MKLN1: variants seen among roughly 807,000 people sequenced by gnomAD.
MKLN1 encodes the protein muskelin.
A neutral mutation model predicts 99.0 loss-of-function variants in MKLN1; 18 were observed. The ratio of observed to expected loss-of-function variants is 0.18; its 90% CI spans 0.13 to 0.27. The LOEUF (loss-of-function observed/expected upper bound fraction) is 0.27. Among genes scored for constraint, MKLN1 ranks in the 10% least tolerant of loss-of-function variants. The pLI is 1.00. For synonymous variants in MKLN1, 288 were observed against 293.2 expected (o/e 0.98, Z 0.18); for missense variants, 621 against 875.9 (o/e 0.71, Z 3.67).
intron 3 of MKLN1, among the ~76,000 whole-genome samples, chr7:131,291,634 G>A (rs1798219498): frequency 6.7e-6 from 1 of 148,346 alleles, no homozygotes; most frequent in Admixed American, 6.7e-5. Flanking sequence ...CATATATAAT[G>A]CAGAATGCAG....
intron 8 of MKLN1, 115 bp from the exon 9 acceptor site, chr7:131,428,918 T>A (rs1795437864): frequency 1.5e-6 from 1 of 675,206 alleles, no homozygotes; most frequent in African/African-American, 1.8e-5. Flanking sequence ...AATTTTTATT[T>A]TAAAATTTAT....
intron 1 of MKLN1, among the ~76,000 whole-genome samples, chr7:131,340,041 C>T (rs1010191032): frequency 6.6e-6 from 1 of 151,880 alleles, no homozygotes; most frequent in African/African-American, 2.4e-5. Flanking sequence ...TTTCTTTTCC[C>T]TTCCTGTCAC....
chr7:131,176,287 TTAAG>T (rs1255153863), intron 2 of MKLN1, among the ~76,000 whole-genome samples: 1 of 152,214 alleles, frequency 6.6e-6, no homozygotes, highest in East Asian at 1.9e-4. Flanking sequence ...TTATGTATTT[TTAAG>T]TTTTTCATGT....
Position 131,332,343 on chromosome 7 carries a change from TA to T in MKLN1, c.98+4351del, listed in dbSNP as rs927293483. Among the ~76,000 whole-genome samples, 28 of 148,282 alleles carry T rather than the reference TA, an allele frequency of 1.9e-4. No individual in the cohort carries two copies. The South Asian group carries it at 4.8e-3, about 25-fold the overall frequency. ...TGTGCATAGTTATATATTATTATGT[TA>T]AAAATATGTAAATATATATATATTC... is the stretch of plus-strand genomic sequence containing the variant. On this transcript the variant is annotated intron_variant, in intron 1 of 17. Coordinates refer to ENST00000352689, the MANE Select transcript of MKLN1 (RefSeq NM_013255.5).
chr7:131,309,264 C>G (rs1225880771), intron 3 of MKLN1, among the ~76,000 whole-genome samples: 4 of 152,158 alleles, frequency 2.6e-5, no homozygotes, highest in African/African-American at 9.7e-5. Flanking sequence ...TTTATCTTAC[C>G]ATTGTTGACC....
intron 3 of MKLN1, among the ~76,000 whole-genome samples, chr7:131,239,189 C>T (rs1797365606): frequency 6.6e-6 from 1 of 152,060 alleles, no homozygotes; most frequent in African/African-American, 2.4e-5. Context: ...TATTTATATT[C>T]ATAATTGACT....
chr7:131,370,101 G>A (rs1800301512), intron 1 of MKLN1, among the ~76,000 whole-genome samples: 1 of 152,248 alleles, frequency 6.6e-6, no homozygotes. Flanking sequence ...GCCTTCCAAA[G>A]TGTTGGGATT....
chr7:131,227,537 C>CTTTCTT (rs1387124487), intron 3 of MKLN1, among the ~76,000 whole-genome samples: 4 of 132,168 alleles, frequency 3.0e-5, no homozygotes, highest in Non-Finnish European at 4.9e-5. Context: ...TTCTTTCTTT[C>CTTTCTT]TCTCTTTCTT....
chr7:131,169,055 C>A (rs182372124), intron 2 of MKLN1, among the ~76,000 whole-genome samples: 1 of 152,020 alleles, frequency 6.6e-6, no homozygotes, highest in Non-Finnish European at 1.5e-5. Flanking sequence ...TTTAGTAAGA[C>A]GGGTTTCACC....
intron 8 of MKLN1, among the ~76,000 whole-genome samples, chr7:131,416,182 C>T (rs964358139): frequency 6.6e-6 from 1 of 152,108 alleles, no homozygotes; most frequent in Non-Finnish European, 1.5e-5. Flanking sequence ...CCTTTTAAAG[C>T]AAAATGCACT....
At chr7:131,152,053 T>C (rs1297008682) in intron 2 of MKLN1, among the ~76,000 whole-genome samples, 2 of 152,202 alleles carry the variant, frequency 1.3e-5, no homozygotes, top group Non-Finnish European at 2.9e-5. Flanking sequence ...CTGGGTGTGG[T>C]GGCTCATTCC....
chr7:131,259,254 G>T (rs1797700001), intron 3 of MKLN1, among the ~76,000 whole-genome samples: 1 of 152,116 alleles, frequency 6.6e-6, no homozygotes, highest in South Asian at 2.1e-4. Context: ...GGCCAGTTAA[G>T]AATTCCATTC....
chr7:131,411,596 G>GA (rs1794876268), intron 7 of MKLN1, among the ~76,000 whole-genome samples: 2 of 101,684 alleles, frequency 2.0e-5, no homozygotes, highest in Non-Finnish European at 4.1e-5. Context: ...AACATGGTGA[G>GA]ACCTGTCTCT....
chr7:131,370,384 T>G (rs1260626467), intron 1 of MKLN1, among the ~76,000 whole-genome samples: 1 of 151,662 alleles, frequency 6.6e-6, no homozygotes, highest in Non-Finnish European at 1.5e-5. Context: ...TTTTTTTTTT[T>G]AAGGAATCTT....
chr7:131,443,371 A>G, intron 10 of MKLN1, 110 bp from the exon 11 acceptor site: 1 of 743,382 alleles, frequency 1.3e-6, no homozygotes, highest in Non-Finnish European at 2.3e-6. Context: ...GTCATTAGGG[A>G]CAAAGTTTAG....
At chr7:131,288,765 T>C (rs531722700) in intron 3 of MKLN1, among the ~76,000 whole-genome samples, 14 of 152,290 alleles carry the variant, frequency 9.2e-5, no homozygotes, top group African/African-American at 3.1e-4. Context: ...TTCAGTACTT[T>C]CTATTCTTTT....
At chr7:131,411,510 C>A in intron 7 of MKLN1, 127 bp downstream of exon 7, 1 of 675,380 alleles carries the variant, frequency 1.5e-6, no homozygotes, top group Non-Finnish European at 2.7e-6. Context: ...TGCAGTGGCT[C>A]ATGTCTAATC....
At chr7:131,319,468 C>G (rs1798731717) in intron 3 of MKLN1, among the ~76,000 whole-genome samples, 1 of 152,140 alleles carries the variant, frequency 6.6e-6, no homozygotes, top group African/African-American at 2.4e-5. Flanking sequence ...CTATTTATGA[C>G]AAACCCATAG....
At chr7:131,169,135 G>A (rs1054272477) in intron 2 of MKLN1, among the ~76,000 whole-genome samples, 27 of 152,302 alleles carry the variant, frequency 1.8e-4, no homozygotes, top group South Asian at 6.2e-4. Flanking sequence ...AAAGTGCTGG[G>A]ATTACAGGTG....
Sources: gnomAD v4.1 joint callset for allele counts (sites outside exome capture counted in the v4.1 genomes callset) on GRCh38, gnomAD v4.1.1 for gene constraint, MANE v1.5 for transcripts, NCBI Gene and HGNC (gene_info 2026-07-23, HGNC 2026-07-21) for gene names.